The following CNTN5 variants were observed in gnomAD, a reference collection of about 807,000 sequenced individuals.
The protein encoded by CNTN5 is contactin-5.
A neutral mutation model predicts 129.1 loss-of-function variants in CNTN5; 77 were observed. That is an observed-to-expected ratio of 0.60 (90% confidence interval 0.50 to 0.72). The LOEUF (loss-of-function observed/expected upper bound fraction) is 0.72, where lower values mean the gene tolerates loss of function less well. Ranked by LOEUF, CNTN5 falls within the 30% of genes least tolerant of loss-of-function variation. The pLI is 0.00. For missense variants in CNTN5, 1,478 were observed against 1,328.8 expected, an observed-to-expected ratio of 1.11 and a Z score of -1.75; for synonymous variants, 509 against 465.6, an observed-to-expected ratio of 1.09 and a Z score of -1.20.
intron 2 of CNTN5, among the ~76,000 whole-genome samples, chr11:99,480,021 G>T (rs79370163): frequency 2.5e-5 from 1 of 39,482 alleles, no homozygotes; most frequent in Non-Finnish European, 7.3e-5. Context: ...TTGGCTAAAA[G>T]TAGAGATACA....
At chr11:99,552,392 C>T (rs947743189) in intron 2 of CNTN5, among the ~76,000 whole-genome samples, 1 of 151,932 alleles carries the variant, frequency 6.6e-6, no homozygotes, top group Non-Finnish European at 1.5e-5. Flanking sequence ...ATATGACATT[C>T]TAGTAGGAGA....
At chr11:99,440,164 A>T (rs1943769649) in intron 2 of CNTN5, among the ~76,000 whole-genome samples, 2 of 152,220 alleles carry the variant, frequency 1.3e-5, no homozygotes, top group East Asian at 3.9e-4. Context: ...TTACATTTAG[A>T]AGTGATTTAT....
At chr11:99,995,776 A>G (rs1055080084) in intron 8 of CNTN5, among the ~76,000 whole-genome samples, 1 of 152,138 alleles carries the variant, frequency 6.6e-6, no homozygotes, top group African/African-American at 2.4e-5. Flanking sequence ...GGCTTCTAAA[A>G]ATTAATTTTA....
intron 8 of CNTN5, among the ~76,000 whole-genome samples, chr11:99,997,892 C>G (rs1440537837): frequency 6.6e-6 from 1 of 152,174 alleles, no homozygotes. Context: ...TAAACAGAAC[C>G]AAAGACAAAA....
intron 2 of CNTN5, among the ~76,000 whole-genome samples, chr11:99,356,020 G>A (rs914639035): frequency 1.3e-5 from 2 of 151,756 alleles, no homozygotes; most frequent in Non-Finnish European, 2.9e-5. Context: ...TAGAGACGGG[G>A]TTTCACCATG....
intron 1 of CNTN5, among the ~76,000 whole-genome samples, chr11:99,075,743 A>C (rs1865537037): frequency 6.6e-6 from 1 of 152,228 alleles, no homozygotes; most frequent in Admixed American, 6.5e-5. Flanking sequence ...TCTGGTTTAG[A>C]TATGAAAGTT....
chr11:99,927,741 A>G (rs758386010), intron 7 of CNTN5, among the ~76,000 whole-genome samples: 6 of 152,156 alleles, frequency 3.9e-5, no homozygotes, highest in Non-Finnish European at 7.4e-5. Context: ...TCAATTCAAA[A>G]TGAGATTTGT....
chr11:99,133,617 AG>A lies in CNTN5; in HGVS notation c.-210+112348del, dbSNP rs199731194. On this transcript the variant is annotated intron_variant, in intron 1 of 24. Transcript: ENST00000524871. The stretch of plus-strand genomic sequence containing the variant: ...AAAGGATAGGAACAGACACTTCTCA[AG>A]AAAAAAAAAAGACCATACATGCAGC... Among the ~76,000 whole-genome samples, 141 of 69,778 alleles carry A rather than the reference AG, an allele frequency of 2.0e-3. 3 individuals are homozygous for A. The highest frequency in any genetic ancestry group is 6.9e-3 in the African/African-American group (130 of 18,780). The allele number at this position is 69,778 out of a possible 152,430, so 45.8% of individuals were successfully genotyped here.
intron 13 of CNTN5, among the ~76,000 whole-genome samples, chr11:100,142,445 C>G (rs1946726596): frequency 6.6e-6 from 1 of 152,110 alleles, no homozygotes; most frequent in Admixed American, 6.6e-5. Context: ...TCTGAAAATC[C>G]AAACATACTA....
intron 3 of CNTN5, among the ~76,000 whole-genome samples, chr11:99,715,640 C>T (rs1224760186): frequency 1.3e-5 from 2 of 151,914 alleles, no homozygotes; most frequent in Non-Finnish European, 2.9e-5. Flanking sequence ...AAAGAAAGAT[C>T]AGGAATTTTT....
chr11:100,299,148 T>C lies in CNTN5; in HGVS notation c.2386-14T>C. 1 of 1,491,488 alleles carries C rather than the reference T, an allele frequency of 6.7e-7. No individual in the cohort carries two copies. The highest frequency in any genetic ancestry group is 9.1e-7 in the Non-Finnish European group (1 of 1,096,024). 92.4% of individuals were successfully genotyped at this position (1,491,488 alleles called of 1,614,324 possible). On this transcript the variant is annotated splice_polypyrimidine_tract_variant and intron_variant, in intron 19 of 24. Transcript: ENST00000524871. ...ATCATTTTGCTGATAATTAATTATA[T>C]TTTTCTTCTTTAGCCAGTATCTGAA...
intron 7 of CNTN5, among the ~76,000 whole-genome samples, chr11:99,919,047 T>C (rs999467050): frequency 1.3e-5 from 2 of 152,162 alleles, no homozygotes; most frequent in African/African-American, 4.8e-5. Flanking sequence ...AGGGATAAGC[T>C]GCATTAAGGA....
At chr11:100,343,554 T>C (rs756982718) in intron 23 of CNTN5, among the ~76,000 whole-genome samples, 19 of 152,062 alleles carry the variant, frequency 1.2e-4, no homozygotes, top group Non-Finnish European at 2.6e-4. Flanking sequence ...CAGCCAAGGA[T>C]GAAAGCTCCT....
At chr11:99,269,951 A>G (rs1591448577) in intron 1 of CNTN5, among the ~76,000 whole-genome samples, 1 of 151,978 alleles carries the variant, frequency 6.6e-6, no homozygotes, top group African/African-American at 2.4e-5. Flanking sequence ...TTGGGAAAAA[A>G]TGCAGAAGAA....
chr11:99,085,507 C>A lies in CNTN5; in HGVS notation c.-210+64237C>A, dbSNP rs181773337. ...TGGTGCCTTGTAAGAGTTTTTCTAA[C>A]ATTTTTGAAATTTTGGAATTATCAT... On this transcript the variant is annotated intron_variant, in intron 1 of 24. Transcript: ENST00000524871. Among the ~76,000 whole-genome samples the A allele has an allele frequency of 1.7e-4, 25 of 151,188 alleles. No homozygotes were observed. The East Asian group carries it at 4.1e-3, about 25-fold the overall frequency.
intron 9 of CNTN5, among the ~76,000 whole-genome samples, chr11:100,043,628 C>G (rs1942490075): frequency 6.6e-6 from 1 of 152,190 alleles, no homozygotes. Context: ...CTTGCTATCT[C>G]ATACTGTTCT....
intron 3 of CNTN5, among the ~76,000 whole-genome samples, chr11:99,778,637 T>C (rs937340947): frequency 6.6e-6 from 1 of 151,758 alleles, no homozygotes; most frequent in Non-Finnish European, 1.5e-5. Context: ...AAGTTCATCA[T>C]AGGTTAAAGC....
Position 99,058,851 on chromosome 11 carries a change from G to C in CNTN5, c.-210+37581G>C, listed in dbSNP as rs556274310. 2.0e-5 allele frequency among the ~76,000 whole-genome samples: 3 copies of C among 151,782 alleles called. No homozygotes were observed. The East Asian group carries it at 5.8e-4, about 29-fold the overall frequency. ...AAGATAATGAGTTCAAGACTCTGTA[G>C]ACAGCACTAAATGATGAGGATTGAA... is the stretch of plus-strand genomic sequence containing the variant. On this transcript the variant is annotated intron_variant, in intron 1 of 24. Coordinates refer to ENST00000524871, the MANE Select transcript of CNTN5 (RefSeq NM_014361.4).
intron 17 of CNTN5, among the ~76,000 whole-genome samples, chr11:100,270,842 G>A (rs1381216498): frequency 6.6e-6 from 1 of 152,194 alleles, no homozygotes. Context: ...GTACATAATG[G>A]TGAGGTTTGT....
Sources: gnomAD v4.1 joint callset for allele counts (sites outside exome capture counted in the v4.1 genomes callset) on GRCh38, gnomAD v4.1.1 for gene constraint, MANE v1.5 for transcripts, NCBI Gene and HGNC (gene_info 2026-07-23, HGNC 2026-07-21) for gene names.